Variants in SPATA13 observed in about 807,000 individuals in gnomAD.
SPATA13 encodes spermatogenesis-associated protein 13.
A neutral mutation model predicts 104.0 loss-of-function variants in SPATA13; 50 were observed. The ratio of observed to expected loss-of-function variants is 0.48; its 90% CI spans 0.38 to 0.61. The LOEUF (loss-of-function observed/expected upper bound fraction) is 0.61. Among genes scored for constraint, SPATA13 ranks in the 20% least tolerant of loss-of-function variants. SPATA13 has a pLI of 0.00. For synonymous variants in SPATA13, 606 were observed against 667.5 expected (o/e 0.91, Z 1.42); for missense variants, 1,524 against 1,690.6 (o/e 0.90, Z 1.73).
At chr13:24,233,974 T>C (rs1872430523) in intron 2 of SPATA13, among the ~76,000 whole-genome samples, 1 of 152,148 alleles carries the variant, frequency 6.6e-6, no homozygotes, top group Non-Finnish European at 1.5e-5. Context: ...AAAATTATCG[T>C]ATACCTGTAG....
At chr13:24,146,470 T>C (rs1297057061) in intron 3 of SPATA13, among the ~76,000 whole-genome samples, 4 of 152,216 alleles carry the variant, frequency 2.6e-5, no homozygotes, top group African/African-American at 9.6e-5. Context: ...AAGATAGGAA[T>C]TGGTAACTAA....
intron 1 of SPATA13, among the ~76,000 whole-genome samples, chr13:23,983,295 G>T (rs112591644): frequency 6.6e-6 from 1 of 152,148 alleles, no homozygotes; most frequent in Non-Finnish European, 1.5e-5. Flanking sequence ...GCGTCTTCAC[G>T]TGGTCATCCT....
intron 12 of SPATA13, 26 bp downstream of exon 12, chr13:24,300,501 C>A: frequency 6.2e-7 from 1 of 1,603,554 alleles, no homozygotes; most frequent in South Asian, 1.1e-5. Context: ...GGCTTTGTCC[C>A]CTTAATGCTT....
chr13:24,224,216 C>T lies in SPATA13; in HGVS notation c.1287C>T (p.Ser429=). The T allele has an allele frequency of 6.4e-7, 1 of 1,551,772 alleles. No individual in the cohort carries two copies. The highest frequency in any genetic ancestry group is 8.7e-7 in the Non-Finnish European group (1 of 1,147,014). ...AVESDSSCTC[S]SLPSPIVQDV... ...AAAGCGACAGTTCCTGCACTTGCAGCTCTTTGCCAAGCCCGATTGTCCAGG... is the reference window on the plus strand; with the variant it reads ...AAAGCGACAGTTCCTGCACTTGCAGTTCTTTGCCAAGCCCGATTGTCCAGG... Residue 429 remains serine (S), a synonymous_variant, in exon 2 of 13, where the codon AGC becomes AGT. Transcript: ENST00000382108.
chr13:24,186,507 A>C (rs946737140), intron 1 of SPATA13, among the ~76,000 whole-genome samples: 4 of 152,186 alleles, frequency 2.6e-5, no homozygotes, highest in Admixed American at 2.0e-4. Flanking sequence ...GAAACGAATA[A>C]AAATAGGACA....
chr13:24,086,806 A>G lies in SPATA13; in HGVS notation c.-112+69105A>G, dbSNP rs554249584. 1.4e-4 allele frequency among the ~76,000 whole-genome samples: 22 copies of G among 152,230 alleles called. No individual in the cohort carries two copies. The South Asian group carries it at 2.7e-3, about 19-fold the overall frequency. ...AGGGAGAGGGGTGGGAGCTGTTGAC[A>G]TGGCCCTGGGTAGTGGCAGCAGCTG... On this transcript the variant is annotated intron_variant, in intron 3 of 14. Transcript: ENST00000424834.
chr13:24,247,254 T>G (rs1873189877), intron 2 of SPATA13, among the ~76,000 whole-genome samples: 1 of 152,170 alleles, frequency 6.6e-6, no homozygotes, highest in South Asian at 2.1e-4. Context: ...TGCTGGAACC[T>G]GCACGGGATT....
intron 3 of SPATA13, among the ~76,000 whole-genome samples, chr13:24,082,992 T>TA (rs1879592400): frequency 6.6e-6 from 1 of 152,246 alleles, no homozygotes. Flanking sequence ...TGCTTCTGAC[T>TA]ATAAATCTAA....
intron 1 of SPATA13, among the ~76,000 whole-genome samples, chr13:24,187,858 T>TACAATA (rs779031238): frequency 1.3e-5 from 2 of 152,164 alleles, no homozygotes; most frequent in Non-Finnish European, 2.9e-5. Flanking sequence ...TTAATAACTC[T>TACAATA]ACAATAACCT....
rs1870635563 is a variant in SPATA13 at position 24,205,206 on chromosome 13, C to G, written c.-111-17613C>G. 6.6e-6 allele frequency among the ~76,000 whole-genome samples: 1 copy of G among 152,160 alleles called. No individual in the cohort carries two copies. The highest frequency in any genetic ancestry group is 2.4e-5 in the African/African-American group (1 of 41,430). On this transcript the variant is annotated intron_variant, in intron 1 of 12. Coordinates refer to ENST00000382108, the MANE Select transcript of SPATA13 (RefSeq NM_001166271.3). The surrounding 1 kb of genome is among the most constrained non-coding windows in gnomAD (Gnocchi z 4.1). ...ATCCTGAAAACCCCAAAGTCTCGCC[C>G]CCAAAGCTCCTTCAGCTGATAAACA...
At position 24,190,360 on chromosome 13, in the gene SPATA13, AT is replaced by A. The variant is rs1160104080; in HGVS notation, c.-112+29430del. Reference sequence around the variant, plus strand: ...TATATAATATATAATATTATATATTATTATATATAATATATAATATTATATA... The same window carrying A: ...TATATAATATATAATATTATATATTATATATATAATATATAATATTATATA... On this transcript the variant is annotated intron_variant, in intron 1 of 12. Transcript: ENST00000382108. 4.8e-5 allele frequency among the ~76,000 whole-genome samples: 4 copies of A among 83,532 alleles called. 2 individuals are homozygous for A. Among genetic ancestry groups the A allele is most frequent in the Admixed American group, 3.6e-4 (2 of 5,536 alleles). 54.8% of individuals were successfully genotyped at this position (83,532 alleles called of 152,430 possible).
At chr13:24,217,318 C>T (rs541104396) in intron 1 of SPATA13, among the ~76,000 whole-genome samples, 3 of 152,274 alleles carry the variant, frequency 2.0e-5, no homozygotes, top group South Asian at 4.2e-4. Context: ...CTTTTTATTA[C>T]AATTCTTCTT....
At chr13:24,208,111 AT>A (rs1449231795) in intron 1 of SPATA13, among the ~76,000 whole-genome samples, 1 of 152,210 alleles carries the variant, frequency 6.6e-6, no homozygotes, top group Admixed American at 6.5e-5. Context: ...GGCTCAACAA[AT>A]CTGAGGCTGA....
At position 24,206,388 on chromosome 13, in the gene SPATA13, C is replaced by G. The variant is rs139772759; in HGVS notation, c.-111-16431C>G. 3.8e-3 allele frequency among the ~76,000 whole-genome samples: 571 copies of G among 152,242 alleles called. 18 individuals carry two copies. In the East Asian group the frequency reaches 0.085, roughly 23 times the overall value. ...TACCATCTCACACCAGTCAGAATGA[C>G]TGTTATCAAAAAGTCAAAAAACAAC... is the stretch of plus-strand genomic sequence containing the variant. On this transcript the variant is annotated intron_variant, in intron 1 of 12. Coordinates refer to ENST00000382108, the MANE Select transcript of SPATA13 (RefSeq NM_001166271.3).
chr13:23,981,873 A>G (rs1386944071), intron 1 of SPATA13, among the ~76,000 whole-genome samples: 1 of 152,204 alleles, frequency 6.6e-6, no homozygotes, highest in Non-Finnish European at 1.5e-5. Context: ...TAAAAACAAT[A>G]ACTGTGATGC....
chr13:24,226,286 T>C (rs1871938067), intron 2 of SPATA13, among the ~76,000 whole-genome samples: 2 of 152,292 alleles, frequency 1.3e-5, no homozygotes, highest in South Asian at 2.1e-4. Flanking sequence ...TAGGTACCTG[T>C]CCACCTCCCA....
At chr13:24,123,574 G>T (rs1593344776) in intron 3 of SPATA13, 1 of 1,608,830 alleles carries the variant, frequency 6.2e-7, no homozygotes, top group South Asian at 1.1e-5. Context: ...ATAGTCTTTT[G>T]CAGTACCTCT....
At chr13:23,985,643 G>C (rs1290218058) in intron 2 of SPATA13, among the ~76,000 whole-genome samples, 1 of 152,246 alleles carries the variant, frequency 6.6e-6, no homozygotes, top group Non-Finnish European at 1.5e-5. Flanking sequence ...GGAAATATAA[G>C]AGGGACTGGG....
intron 1 of SPATA13, among the ~76,000 whole-genome samples, chr13:24,190,270 A>ATTATTATATACCATATGGTATATAATAT (rs1555267724): frequency 0.073 from 416 of 5,688 alleles, 140 homozygotes; most frequent in South Asian, 0.21. Context: ...CATAATATAT[A>ATTATTATATACCATATGGTATATAATAT]TTATTATATA....
Sources: allele counts gnomAD v4.1 joint callset (sites outside exome capture counted in the v4.1 genomes callset), GRCh38; gene constraint gnomAD v4.1.1; non-coding constraint Gnocchi (gnomAD v3.1); transcripts MANE v1.5; gene names NCBI Gene and HGNC (gene_info 2026-07-23, HGNC 2026-07-21).